Variants in CCDC146 observed in about 807,000 individuals in gnomAD.
CCDC146 encodes the protein coiled-coil domain-containing protein 146.
Under a neutral mutation model 119.3 loss-of-function variants are expected in CCDC146, and 92 were observed. The ratio of observed to expected loss-of-function variants is 0.77; its 90% confidence interval spans 0.65 to 0.92. The LOEUF is 0.92. Ranked by LOEUF, CCDC146 falls within the 40% of genes least tolerant of loss-of-function variation. The pLI is 0.00. For synonymous variants in CCDC146, 372 were observed against 371.8 expected (o/e 1.00, Z -0.01); for missense variants, 1,000 against 1,103.0 (o/e 0.91, Z 1.32).
intron 1 of CCDC146, among the ~76,000 whole-genome samples, chr7:77,123,113 G>A (rs1790647306): frequency 6.7e-6 from 1 of 149,838 alleles, no homozygotes; most frequent in Non-Finnish European, 1.5e-5. Context: ...ACCGTGTAAA[G>A]TACTGTATTT....
chr7:77,197,068 GT>G, intron 2 of CCDC146: 1 of 848,344 alleles, frequency 1.2e-6, no homozygotes, highest in South Asian at 1.7e-5. Flanking sequence ...TACAAAAGCA[GT>G]TTGATAATTG....
intron 4 of CCDC146, among the ~76,000 whole-genome samples, chr7:77,253,158 G>C (rs1430365886): frequency 6.6e-6 from 1 of 152,208 alleles, no homozygotes; most frequent in Non-Finnish European, 1.5e-5. Context: ...GGAAACAAAA[G>C]TGAAAATAAT....
At chr7:77,206,666 T>C (rs887326165) in intron 2 of CCDC146, among the ~76,000 whole-genome samples, 4,458 of 134,486 alleles carry the variant, frequency 0.033, 216 homozygotes, top group African/African-American at 0.12. Flanking sequence ...TATATATATA[T>C]ATATATACAC....
chr7:77,284,413 C>T (rs2150550934), intron 15 of CCDC146, among the ~76,000 whole-genome samples: 1 of 152,040 alleles, frequency 6.6e-6, no homozygotes, highest in Admixed American at 6.6e-5. Flanking sequence ...CATGCTTGCC[C>T]CCACTCCATT....
At chr7:77,172,195 G>A (rs1015314322) in intron 2 of CCDC146, among the ~76,000 whole-genome samples, 11 of 152,170 alleles carry the variant, frequency 7.2e-5, no homozygotes, top group Non-Finnish European at 1.6e-4. Flanking sequence ...CTAAGATATT[G>A]TTCCTAATTG....
At chr7:77,143,187 G>A (rs1790962446) in intron 1 of CCDC146, among the ~76,000 whole-genome samples, 1 of 151,924 alleles carries the variant, frequency 6.6e-6, no homozygotes, top group African/African-American at 2.4e-5. Flanking sequence ...ATTTTTTCAT[G>A]TGTCTGTTGG....
intron 1 of CCDC146, among the ~76,000 whole-genome samples, chr7:77,144,083 T>A (rs1790978313): frequency 6.6e-6 from 1 of 151,870 alleles, no homozygotes; most frequent in Admixed American, 6.6e-5. Context: ...GTATCTTCTT[T>A]TATTTCATTG....
At chr7:77,208,380 G>T (rs1442647296) in intron 2 of CCDC146, among the ~76,000 whole-genome samples, 3 of 132,630 alleles carry the variant, frequency 2.3e-5, no homozygotes, top group Non-Finnish European at 4.5e-5. Flanking sequence ...AGGCTATGTG[G>T]TATAGCCTAT....
intron 4 of CCDC146, among the ~76,000 whole-genome samples, chr7:77,252,283 A>G (rs770042123): frequency 6.6e-6 from 1 of 152,224 alleles, no homozygotes; most frequent in Non-Finnish European, 1.5e-5. Flanking sequence ...GTAATGGCTG[A>G]AAACTCCCCA....
intron 2 of CCDC146, among the ~76,000 whole-genome samples, chr7:77,189,466 TC>T (rs1449475080): frequency 6.6e-6 from 1 of 152,166 alleles, no homozygotes; most frequent in Non-Finnish European, 1.5e-5. Context: ...AATCCTTGGT[TC>T]CCTACAGTCT....
intron 1 of CCDC146, among the ~76,000 whole-genome samples, chr7:77,138,150 A>C (rs543704986): frequency 1.3e-5 from 2 of 152,186 alleles, no homozygotes; most frequent in South Asian, 4.1e-4. Context: ...AGAGTGGACA[A>C]ATAGGTTAAT....
At chr7:77,198,880 A>G (rs1791925188) in intron 2 of CCDC146, 2 of 432,670 alleles carry the variant, frequency 4.6e-6, no homozygotes, top group Non-Finnish European at 8.2e-6. Context: ...GACAAGTTAA[A>G]TGCACTAAAA....
Position 77,206,102 on chromosome 7 carries a change from C to T in CCDC146, c.157-30845C>T, listed in dbSNP as rs569032523. 6.6e-5 allele frequency among the ~76,000 whole-genome samples: 10 copies of T among 152,268 alleles called. No individual in the cohort carries two copies. In the South Asian group the frequency reaches 2.1e-3, roughly 32 times the overall value. ...GTCCATAGATGATCCACAGGTCCCA[C>T]AAGTATTAATTTTGGGGTTACAAAT... On this transcript the variant is annotated intron_variant, in intron 2 of 18. Coordinates refer to ENST00000285871, the MANE Select transcript of CCDC146 (RefSeq NM_020879.3).
At chr7:77,195,442 A>G (rs895233656) in intron 2 of CCDC146, 1 of 152,200 alleles carries the variant, frequency 6.6e-6, no homozygotes, top group African/African-American at 2.4e-5. Flanking sequence ...TGATAAATGA[A>G]CAAGTTTAAT....
chr7:77,123,365 T>C (rs1790651131), intron 1 of CCDC146, among the ~76,000 whole-genome samples: 1 of 151,608 alleles, frequency 6.6e-6, no homozygotes. Context: ...TTTCTTTAGT[T>C]TTAAAATGAA....
chr7:77,282,613 A>ATAT lies in CCDC146; in HGVS notation c.1977_1979dup (p.Ile660dup). ...ATATGCATTTTTTATGAAAAAATAA[A>ATAT]TATCCAAGAGAAGATGAAACTAAAT... On this transcript the variant is annotated inframe_insertion, in exon 15 of 19. Transcript: ENST00000285871. 1 of 1,612,864 alleles carries ATAT rather than the reference A, an allele frequency of 6.2e-7. No homozygotes were observed. The highest frequency in any genetic ancestry group is 1.1e-5 in the South Asian group (1 of 90,882).
intron 2 of CCDC146, among the ~76,000 whole-genome samples, chr7:77,197,539 C>T (rs1791897521): frequency 6.6e-6 from 1 of 152,222 alleles, no homozygotes; most frequent in African/African-American, 2.4e-5. Flanking sequence ...ATGATTCTAA[C>T]TCTCCTAGAA....
chr7:77,268,267 T>C (rs547760262), intron 9 of CCDC146, among the ~76,000 whole-genome samples: 1 of 152,348 alleles, frequency 6.6e-6, no homozygotes, highest in Admixed American at 6.5e-5. Context: ...TTTTTGTCTA[T>C]GTTCAAATAC....
At position 77,259,050 on chromosome 7, in the gene CCDC146, A is replaced by G. The variant is rs748509738; in HGVS notation, c.740A>G (p.Lys247Arg). 6.8e-6 allele frequency: 11 copies of G among 1,608,374 alleles called. No homozygotes were observed. In the African/African-American group the frequency reaches 1.3e-4, roughly 20 times the overall value. The change falls in exon 7 of 19, where the codon AAA (lysine) becomes AGA (arginine). Residue 247 changes from lysine to arginine, a missense_variant. Coordinates refer to ENST00000285871, the MANE Select transcript of CCDC146 (RefSeq NM_020879.3). Reference protein sequence around the residue: ...IPVQIGKEIEKITRKKVEMEK... With the variant: ...IPVQIGKEIERITRKKVEMEK... ...GTACAAATTGGAAAAGAGATAGAAA[A>G]AATAACACGCAAAAAAGTGTATGAT...
Sources: allele counts gnomAD v4.1 joint callset (sites outside exome capture counted in the v4.1 genomes callset), GRCh38; gene constraint gnomAD v4.1.1; transcripts MANE v1.5; gene names NCBI Gene and HGNC (gene_info 2026-07-23, HGNC 2026-07-21).